Variants in PRR16 observed in about 807,000 individuals in gnomAD.
PRR16 encodes protein Largen.
Under a neutral mutation model 18.2 loss-of-function variants are expected in PRR16, and 6 were observed. The ratio of observed to expected loss-of-function variants is 0.33; its 90% CI spans 0.18 to 0.65. The LOEUF is 0.65. PRR16 is among the 30% of genes least tolerant of loss of function. The pLI is 0.74. For synonymous variants in PRR16, 151 were observed against 147.8 expected (o/e 1.02, Z -0.16); for missense variants, 412 against 376.6 (o/e 1.09, Z -0.78).
intron 1 of PRR16, among the ~76,000 whole-genome samples, chr5:120,486,919 C>T (rs1749822687): frequency 6.6e-6 from 1 of 152,196 alleles, no homozygotes; most frequent in African/African-American, 2.4e-5. Context: ...TTCCCCATTT[C>T]CTGTTTTTGT....
At chr5:120,539,212 A>G (rs1167172114) in intron 1 of PRR16, among the ~76,000 whole-genome samples, 1 of 151,868 alleles carries the variant, frequency 6.6e-6, no homozygotes, top group African/African-American at 2.4e-5. Context: ...AGTATTGGCA[A>G]AACAAAGAAA....
chr5:120,724,569 C>T, the PRR16 span, among the ~76,000 whole-genome samples: 1 of 152,048 alleles, frequency 6.6e-6, no homozygotes, highest in Non-Finnish European at 1.5e-5. Context: ...TTAAATCACT[C>T]ATTACATTTA....
chr5:120,746,061 A>T, the PRR16 span, among the ~76,000 whole-genome samples: 64 of 151,674 alleles, frequency 4.2e-4, no homozygotes, highest in African/African-American at 1.4e-3. Flanking sequence ...AAATTTTGAG[A>T]TTTGGCATAA....
intron 1 of PRR16, among the ~76,000 whole-genome samples, chr5:120,593,963 T>TA (rs1426729211): frequency 1.3e-5 from 2 of 152,050 alleles, no homozygotes; most frequent in Admixed American, 1.3e-4. Flanking sequence ...CTTTTCATGT[T>TA]AAAAACCCTC....
the PRR16 span, among the ~76,000 whole-genome samples, chr5:120,754,764 A>G: frequency 1.3e-4 from 20 of 149,650 alleles, no homozygotes; most frequent in South Asian, 4.2e-4. Flanking sequence ...GATATTGATA[A>G]CATCTTTACT....
intron 1 of PRR16, among the ~76,000 whole-genome samples, chr5:120,631,927 A>G (rs911788840): frequency 6.6e-6 from 1 of 152,094 alleles, no homozygotes; most frequent in Non-Finnish European, 1.5e-5. Context: ...AGGCCAACCA[A>G]CACAAAACCA....
intron 1 of PRR16, among the ~76,000 whole-genome samples, chr5:120,564,977 C>T (rs185164540): frequency 7.0e-4 from 99 of 142,048 alleles, no homozygotes; most frequent in African/African-American, 2.5e-3. Flanking sequence ...CAGAGCAAGA[C>T]TCTGTTTCCA....
chr5:120,557,328 T>C (rs1050977522), intron 1 of PRR16, among the ~76,000 whole-genome samples: 22 of 151,928 alleles, frequency 1.4e-4, no homozygotes, highest in African/African-American at 5.3e-4. Context: ...GATATAGTTT[T>C]CCTCAGAGTT....
chr5:120,509,164 G>A (rs955233518), intron 1 of PRR16, among the ~76,000 whole-genome samples: 2 of 152,024 alleles, frequency 1.3e-5, no homozygotes, highest in Admixed American at 1.3e-4. Flanking sequence ...TGTCTTTTAT[G>A]TACACATGTG....
At chr5:120,738,002 G>C in the PRR16 span, among the ~76,000 whole-genome samples, 7 of 152,148 alleles carry the variant, frequency 4.6e-5, no homozygotes, top group Non-Finnish European at 7.4e-5. Context: ...ACAAATTTCG[G>C]AGATCAATTC....
At chr5:120,561,872 A>T (rs1019203563) in intron 1 of PRR16, among the ~76,000 whole-genome samples, 1 of 152,112 alleles carries the variant, frequency 6.6e-6, no homozygotes, top group Admixed American at 6.6e-5. Context: ...TTGCACTATG[A>T]TTGTGAGGCC....
chr5:120,685,880 G>A (rs1008738188), intron 1 of PRR16, 74 bp from the exon 2 acceptor site: 1 of 1,447,674 alleles, frequency 6.9e-7, no homozygotes. Flanking sequence ...ATTTCCCCTA[G>A]ACAAAAATAA....
At position 120,490,902 on chromosome 5, in the gene PRR16, G is replaced by A. The variant is rs182924158; in HGVS notation, c.159+26257G>A. 2.6e-4 allele frequency among the ~76,000 whole-genome samples: 40 copies of A among 152,282 alleles called. No homozygotes were observed. In the East Asian group the frequency reaches 7.3e-3, roughly 28 times the overall value. ...GACCCTCAGCTGCAGGTCTGTTGGA[G>A]TTTGCTGGAGGTCCACTCCAGACCC... On this transcript the variant is annotated intron_variant, in intron 1 of 1. Coordinates refer to ENST00000407149, the MANE Select transcript of PRR16 (RefSeq NM_001300783.2).
chr5:120,726,758 C>A, the PRR16 span, among the ~76,000 whole-genome samples: 1 of 152,012 alleles, frequency 6.6e-6, no homozygotes, highest in Non-Finnish European at 1.5e-5. Flanking sequence ...GACATGTCCA[C>A]TCTTGATGGT....
At chr5:120,468,163 CTT>C (rs1322262060) in intron 1 of PRR16, among the ~76,000 whole-genome samples, 1 of 151,918 alleles carries the variant, frequency 6.6e-6, no homozygotes, top group African/African-American at 2.4e-5. Flanking sequence ...TATGGCAAGT[CTT>C]TGATGAAGAA....
chr5:120,528,204 A>G (rs1171704620), intron 1 of PRR16, among the ~76,000 whole-genome samples: 1 of 152,224 alleles, frequency 6.6e-6, no homozygotes, highest in Non-Finnish European at 1.5e-5. Context: ...AGGTCAATAA[A>G]TGGAATCTAA....
At chr5:120,520,677 C>G (rs1392001339) in intron 1 of PRR16, among the ~76,000 whole-genome samples, 1 of 152,042 alleles carries the variant, frequency 6.6e-6, no homozygotes, top group Non-Finnish European at 1.5e-5. Flanking sequence ...TTTTATTGTT[C>G]TCAATTTGAC....
At chr5:120,640,922 G>A (rs2112856472) in intron 1 of PRR16, among the ~76,000 whole-genome samples, 1 of 152,222 alleles carries the variant, frequency 6.6e-6, no homozygotes, top group East Asian at 1.9e-4. Flanking sequence ...TTGGCTCTCA[G>A]TGACTTGGCT....
At chr5:120,504,250 G>C (rs113399017) in intron 1 of PRR16, among the ~76,000 whole-genome samples, 2,492 of 152,220 alleles carry the variant, frequency 0.016, 25 homozygotes, top group African/African-American at 0.026. Flanking sequence ...TGCTGATTCT[G>C]CTAGAAGTAA....
Sources: gnomAD v4.1 joint callset for allele counts (sites outside exome capture counted in the v4.1 genomes callset) on GRCh38, gnomAD v4.1.1 for gene constraint, MANE v1.5 for transcripts, NCBI Gene and HGNC (gene_info 2026-07-23, HGNC 2026-07-21) for gene names.